Variants in KBTBD12 observed in about 807,000 individuals in gnomAD.
KBTBD12 encodes kelch repeat and BTB domain-containing protein 12.
KBTBD12 carries 53 observed loss-of-function variants against 58.7 expected under a neutral mutation model. The ratio of observed to expected loss-of-function variants is 0.90; its 90% CI spans 0.72 to 1.14. The LOEUF (loss-of-function observed/expected upper bound fraction) is 1.14, where lower values mean the gene tolerates loss of function less well. Among genes scored for constraint, KBTBD12 ranks in the 50% most tolerant of loss-of-function variants. The pLI is 0.00. For synonymous variants in KBTBD12, 236 were observed against 259.8 expected, an observed-to-expected ratio of 0.91 and a Z score of 0.88; for missense variants, 704 against 751.3, an observed-to-expected ratio of 0.94 and a Z score of 0.74.
chr3:127,961,321 C>T (rs1195561639), intron 4 of KBTBD12, among the ~76,000 whole-genome samples: 1 of 152,160 alleles, frequency 6.6e-6, no homozygotes, highest in Non-Finnish European at 1.5e-5. Flanking sequence ...TGCCGTTAAC[C>T]GAGGCCAGTG....
At chr3:127,933,878 G>A (rs992215422) in intron 4 of KBTBD12, among the ~76,000 whole-genome samples, 1 of 152,086 alleles carries the variant, frequency 6.6e-6, no homozygotes. Flanking sequence ...GGCATGTTCC[G>A]TTTAGGTAAA....
intron 3 of KBTBD12, among the ~76,000 whole-genome samples, chr3:127,928,594 A>G (rs2107592050): frequency 6.6e-6 from 1 of 152,348 alleles, no homozygotes; most frequent in Non-Finnish European, 1.5e-5. Flanking sequence ...GTGATGGCAA[A>G]CCAAAGTGAA....
intron 4 of KBTBD12, among the ~76,000 whole-genome samples, chr3:127,935,833 GACA>G (rs1350178555): frequency 1.3e-5 from 2 of 152,012 alleles, no homozygotes; most frequent in East Asian, 1.9e-4. Context: ...CTCTATAAGA[GACA>G]CATTTTGTAC....
At chr3:127,955,714 A>T (rs897754185) in intron 4 of KBTBD12, among the ~76,000 whole-genome samples, 3 of 152,224 alleles carry the variant, frequency 2.0e-5, no homozygotes, top group African/African-American at 7.2e-5. Flanking sequence ...TTCTGAGGAA[A>T]GTGGAAAGGT....
At position 127,984,078 on chromosome 3, in the gene KBTBD12, C is replaced by A; in HGVS notation, c.1691-19C>A. On this transcript the variant is annotated intron_variant, in intron 5 of 5. Transcript: ENST00000405109. Reference sequence around the variant, plus strand: ...ATACCCACATGAGATTTTTGTCTTCCCACTTTGCTGTTTTTCAGATCGCCA... The same window carrying A: ...ATACCCACATGAGATTTTTGTCTTCACACTTTGCTGTTTTTCAGATCGCCA... The A allele has an allele frequency of 6.2e-7, 1 of 1,606,160 alleles. No homozygotes were observed. Among genetic ancestry groups the A allele is most frequent in the Non-Finnish European group, 8.5e-7 (1 of 1,175,790 alleles).
rs1467418274 is a variant in KBTBD12 at position 127,928,037 on chromosome 3, T to TA, written c.1341+5dup. 1 of 1,612,310 alleles carries TA rather than the reference T, an allele frequency of 6.2e-7. No individual in the cohort carries two copies. Among genetic ancestry groups the TA allele is most frequent in the Non-Finnish European group, 8.5e-7 (1 of 1,178,702 alleles). On this transcript the variant is annotated splice_donor_region_variant and intron_variant, in intron 3 of 5. Transcript: ENST00000405109. Reference sequence around the variant, plus strand: ...TAATTGGAGGCTGGACCCCTCAGGTTAAGAAATTTCCTGTATACATAATTG... The same window carrying TA: ...TAATTGGAGGCTGGACCCCTCAGGTTAAAGAAATTTCCTGTATACATAATTG...
chr3:127,957,568 C>T (rs1940343056), intron 4 of KBTBD12, among the ~76,000 whole-genome samples: 1 of 152,106 alleles, frequency 6.6e-6, no homozygotes, highest in African/African-American at 2.4e-5. Context: ...AATCAGCCAA[C>T]TTTTAGCTCT....
At chr3:127,956,081 G>A (rs1644781258) in intron 4 of KBTBD12, among the ~76,000 whole-genome samples, 1 of 152,188 alleles carries the variant, frequency 6.6e-6, no homozygotes, top group Admixed American at 6.5e-5. Context: ...TCTGAAAAAA[G>A]ACTTGGATTT....
intron 1 of KBTBD12, among the ~76,000 whole-genome samples, chr3:127,918,627 C>G (rs530665469): frequency 2.6e-5 from 4 of 151,930 alleles, no homozygotes; most frequent in Admixed American, 2.0e-4. Flanking sequence ...CAGGAGAATG[C>G]CGTGAACCCA....
At position 127,930,116 on chromosome 3, in the gene KBTBD12, T is replaced by C; in HGVS notation, c.1342-17T>C. 1 of 1,563,700 alleles carries C rather than the reference T, an allele frequency of 6.4e-7. No individual in the cohort carries two copies. Among genetic ancestry groups the C allele is most frequent in the Non-Finnish European group, 8.7e-7 (1 of 1,152,192 alleles). Reference sequence around the variant, plus strand: ...CTAAATGATATGTTATTATATTGGCTGTCATATTTCATACAGATGGATCTT... The same window carrying C: ...CTAAATGATATGTTATTATATTGGCCGTCATATTTCATACAGATGGATCTT... On this transcript the variant is annotated splice_polypyrimidine_tract_variant and intron_variant, in intron 3 of 5. Transcript: ENST00000405109.
At chr3:127,925,103 A>G (rs1301672729) in intron 2 of KBTBD12, among the ~76,000 whole-genome samples, 1 of 152,208 alleles carries the variant, frequency 6.6e-6, no homozygotes, top group Non-Finnish European at 1.5e-5. Flanking sequence ...ATCTCCTAGC[A>G]TTACATTATC....
chr3:127,981,552 G>A lies in KBTBD12; in HGVS notation c.1691-2545G>A, dbSNP rs952698340. On this transcript the variant is annotated intron_variant, in intron 5 of 5. Coordinates refer to ENST00000405109, the MANE Select transcript of KBTBD12 (RefSeq NM_207335.4). ...GGGATTTATTTCATTAGGTTTTGGA[G>A]GAAAGAAATTCTGTAATCCAGTGTC... Among the ~76,000 whole-genome samples the A allele has an allele frequency of 5.3e-5, 8 of 152,174 alleles. 1 individual carries two copies. The highest frequency in any genetic ancestry group is 1.9e-4 in the African/African-American group (8 of 41,438).
At chr3:127,957,968 C>T (rs1175485369) in intron 4 of KBTBD12, among the ~76,000 whole-genome samples, 1 of 152,176 alleles carries the variant, frequency 6.6e-6, no homozygotes, top group Non-Finnish European at 1.5e-5. Context: ...GAAGGTGGAG[C>T]TGAGCCTTGA....
Position 127,963,284 on chromosome 3 carries a change from G to C in KBTBD12, c.1588G>C (p.Gly530Arg). ...YNPDGDFWRE[G>R]PPMPSPLLSL... The stretch of plus-strand genomic sequence containing the variant: ...CCCAGATGGGGACTTTTGGCGAGAG[G>C]GCCCTCCCATGCCAAGTCCCCTCCT... Residue 530 changes from glycine (G) to arginine (R), a missense_variant, in exon 5 of 6, where the codon GGC (glycine) becomes CGC (arginine). Coordinates refer to ENST00000405109, the MANE Select transcript of KBTBD12 (RefSeq NM_207335.4). 3 of 1,612,070 alleles carry C rather than the reference G, an allele frequency of 1.9e-6. No individual in the cohort carries two copies. The highest frequency in any genetic ancestry group is 2.5e-6 in the Non-Finnish European group (3 of 1,179,196).
At chr3:127,949,679 T>G (rs1016908450) in intron 4 of KBTBD12, among the ~76,000 whole-genome samples, 17 of 152,226 alleles carry the variant, frequency 1.1e-4, no homozygotes, top group African/African-American at 3.4e-4. Context: ...ACTGGCTCTG[T>G]AAGACCCTGT....
At chr3:127,947,331 C>T (rs1342218741) in intron 4 of KBTBD12, among the ~76,000 whole-genome samples, 2 of 152,118 alleles carry the variant, frequency 1.3e-5, no homozygotes, top group Non-Finnish European at 2.9e-5. Flanking sequence ...TAATAAGTCT[C>T]AGTCTTCTGT....
At chr3:127,967,582 G>A (rs1015473638) in intron 5 of KBTBD12, among the ~76,000 whole-genome samples, 7 of 152,184 alleles carry the variant, frequency 4.6e-5, no homozygotes, top group Non-Finnish European at 8.8e-5. Flanking sequence ...AATATAAAAA[G>A]TGTTGTTTAT....
intron 4 of KBTBD12, among the ~76,000 whole-genome samples, chr3:127,962,013 C>T (rs1940450497): frequency 6.6e-6 from 1 of 152,222 alleles, no homozygotes; most frequent in Admixed American, 6.5e-5. Context: ...GTATCAGTCA[C>T]CACCCAACAT....
chr3:127,930,627 A>G (rs1460202117), intron 4 of KBTBD12, among the ~76,000 whole-genome samples: 1 of 152,198 alleles, frequency 6.6e-6, no homozygotes, highest in Non-Finnish European at 1.5e-5. Context: ...CTTTGCACCA[A>G]CTGTGATGGA....
Sources: gnomAD v4.1 joint callset for allele counts (sites outside exome capture counted in the v4.1 genomes callset) on GRCh38, gnomAD v4.1.1 for gene constraint, MANE v1.5 for transcripts, NCBI Gene and HGNC (gene_info 2026-07-23, HGNC 2026-07-21) for gene names.